Variants in C8B observed in about 807,000 individuals in gnomAD.
The protein encoded by C8B is complement C8 beta chain.
A neutral mutation model predicts 64.6 loss-of-function variants in C8B; 67 were observed. The observed-to-expected ratio is 1.04, with a 90% CI of 0.85 to 1.27. The LOEUF is 1.27. Among genes scored for constraint, C8B ranks in the 50% most tolerant of loss-of-function variants. C8B has a pLI of 0.00. For synonymous variants in C8B, 284 were observed against 257.7 expected (o/e 1.10, Z -0.98); for missense variants, 790 against 725.2 (o/e 1.09, Z -1.03).
chr1:56,959,401 C>G, intron 2 of C8B: 1 of 658,066 alleles, frequency 1.5e-6, no homozygotes, highest in Admixed American at 2.3e-5. Context: ...TAAAAGATTG[C>G]TTTATCCAAC....
rs914796542 is a variant in C8B at position 56,938,840 on chromosome 1, A to G, written c.1398+2009T>C. 1.2e-4 allele frequency among the ~76,000 whole-genome samples: 19 copies of G among 152,202 alleles called. No individual in the cohort carries two copies. In the South Asian group the frequency reaches 3.9e-3, roughly 32 times the overall value. On this transcript the variant is annotated intron_variant, in intron 9 of 11. Transcript: ENST00000371237. ...GCTACCTGGTAAGTTGGCTTTGCGG[A>G]GAAGAATTATTCTGACATAATGTGA...
intron 1 of C8B, among the ~76,000 whole-genome samples, chr1:56,965,398 A>AGT (rs56761445): frequency 0.11 from 16,080 of 142,544 alleles, 922 homozygotes; most frequent in East Asian, 0.14. Context: ...AGAGAGAGAG[A>AGT]GTGTGTGTGT....
At chr1:56,961,578 C>A (rs856843) in intron 1 of C8B, among the ~76,000 whole-genome samples, 12,739 of 152,220 alleles carry the variant, frequency 0.084, 797 homozygotes, top group African/African-American at 0.17. Context: ...AGGGCCAGCA[C>A]TGACTCCAAT....
intron 4 of C8B, 24 bp from the exon 5 acceptor site, chr1:56,952,204 C>T (rs752249954): frequency 2.6e-5 from 42 of 1,613,502 alleles, no homozygotes; most frequent in East Asian, 6.7e-5. Flanking sequence ...ACAGAGATGG[C>T]GAAGAGGTTA....
intron 6 of C8B, 114 bp from the exon 7 acceptor site, chr1:56,946,175 T>C (rs1644939825): frequency 3.2e-6 from 4 of 1,233,544 alleles, no homozygotes; most frequent in Non-Finnish European, 2.3e-6. Context: ...ATCACTCTTA[T>C]GATTCCTTTA....
At chr1:56,948,060 A>G (rs1341374812) in intron 6 of C8B, among the ~76,000 whole-genome samples, 1 of 152,226 alleles carries the variant, frequency 6.6e-6, no homozygotes, top group East Asian at 1.9e-4. Context: ...GAGGCTACAG[A>G]TCCCTAGTCT....
intron 1 of C8B, among the ~76,000 whole-genome samples, chr1:56,963,195 C>G (rs1447812812): frequency 1.3e-5 from 2 of 152,136 alleles, no homozygotes; most frequent in Non-Finnish European, 2.9e-5. Context: ...CCAGGTCTCC[C>G]ACTCTTTTCC....
In C8B at chr1:56,965,326, CAAT is replaced by C. The variant is rs372563152; in HGVS notation, c.92+528_92+530del. 1.7e-4 allele frequency among the ~76,000 whole-genome samples: 25 copies of C among 150,990 alleles called. No homozygotes were observed. The East Asian group carries it at 3.7e-3, about 23-fold the overall frequency. On this transcript the variant is annotated intron_variant, in intron 1 of 11. Transcript: ENST00000371237. ...TTTGCACCTTGTTAATGGAGACTAA[CAAT>C]GATGAAATAAATCAGCCAGCATTTA...
In C8B at chr1:56,933,498, G is replaced by A. The variant is rs1257753801; in HGVS notation, c.1399-10C>T. On this transcript the variant is annotated splice_polypyrimidine_tract_variant and intron_variant, in intron 9 of 11. Transcript: ENST00000371237. ...CATACAGAGGCTCCACCTGGAAAGG[G>A]AAAAGGGCATTTATTTCAAGAGAAA... 2 of 1,612,230 alleles carry A rather than the reference G, an allele frequency of 1.2e-6. No individual in the cohort carries two copies. Among genetic ancestry groups the A allele is most frequent in the South Asian group, 2.2e-5 (2 of 91,042 alleles).
intron 1 of C8B, among the ~76,000 whole-genome samples, chr1:56,965,049 G>T (rs978796312): frequency 1.3e-5 from 2 of 152,132 alleles, no homozygotes; most frequent in African/African-American, 4.8e-5. Flanking sequence ...GTGTCCCATG[G>T]GTAGGAGGTA....
chr1:56,941,659 T>C (rs1644866482), intron 8 of C8B, among the ~76,000 whole-genome samples: 1 of 152,228 alleles, frequency 6.6e-6, no homozygotes, highest in Admixed American at 6.5e-5. Flanking sequence ...CCAGCATTAT[T>C]AGCTCTACTT....
At chr1:56,956,672 C>G in intron 3 of C8B, 97 bp downstream of exon 3, 1 of 1,382,818 alleles carries the variant, frequency 7.2e-7, no homozygotes, top group South Asian at 1.2e-5. Context: ...TGCCCCATGA[C>G]CCTGATCTTG....
At position 56,947,471 on chromosome 1, in the gene C8B, C is replaced by T. The variant is rs551373695; in HGVS notation, c.865-1410G>A. ...AATGTTATTTTCTCCCTTTTCTGCC[C>T]GACATATACCTACTTACCTTTTAAA... On this transcript the variant is annotated intron_variant, in intron 6 of 11. Coordinates refer to ENST00000371237, the MANE Select transcript of C8B (RefSeq NM_000066.4). Among the ~76,000 whole-genome samples the T allele has an allele frequency of 2.2e-4, 34 of 152,268 alleles. No homozygotes were observed. The Middle Eastern group carries it at 0.014, about 61-fold the overall frequency.
intron 7 of C8B, 124 bp from the exon 8 acceptor site, chr1:56,943,948 G>T: frequency 1.9e-6 from 2 of 1,060,180 alleles, no homozygotes; most frequent in Non-Finnish European, 2.8e-6. Context: ...AAATAAATAG[G>T]TCACCAGCCT....
At chr1:56,942,801 G>T (rs976952761) in intron 8 of C8B, among the ~76,000 whole-genome samples, 8 of 152,032 alleles carry the variant, frequency 5.3e-5, no homozygotes, top group Non-Finnish European at 8.8e-5. Flanking sequence ...CAGGCATGGT[G>T]GTTCATGCCT....
At chr1:56,959,721 A>G (rs901331963) in intron 2 of C8B, 68 of 962,840 alleles carry the variant, frequency 7.1e-5, no homozygotes, top group Non-Finnish European at 9.1e-5. Context: ...GACATACACT[A>G]TGATTGCTTC....
intron 9 of C8B, among the ~76,000 whole-genome samples, chr1:56,936,263 A>G (rs1446047066): frequency 6.6e-6 from 1 of 152,234 alleles, no homozygotes; most frequent in Admixed American, 6.5e-5. Context: ...ATCAAATTAT[A>G]TTCCCATTCT....
intron 5 of C8B, 73 bp from the exon 6 acceptor site, chr1:56,949,825 CA>C: frequency 2.0e-6 from 2 of 995,284 alleles, no homozygotes; most frequent in South Asian, 1.4e-5. Flanking sequence ...AGCAGACAGC[CA>C]CTCTACTCCT....
chr1:56,935,329 C>G (rs1557727664), intron 9 of C8B, among the ~76,000 whole-genome samples: 1 of 152,090 alleles, frequency 6.6e-6, no homozygotes, highest in Non-Finnish European at 1.5e-5. Flanking sequence ...CTTTGATTTG[C>G]TGCTCATTTT....
Sources: allele counts gnomAD v4.1 joint callset (sites outside exome capture counted in the v4.1 genomes callset), GRCh38; gene constraint gnomAD v4.1.1; transcripts MANE v1.5; gene names NCBI Gene and HGNC (gene_info 2026-07-23, HGNC 2026-07-21).